Variants in EPN2 observed in about 807,000 individuals in gnomAD.
EPN2 encodes the protein epsin-2.
A neutral mutation model predicts 61.7 loss-of-function variants in EPN2; 34 were observed. The ratio of observed to expected loss-of-function variants is 0.55; its 90% CI spans 0.42 to 0.73. The LOEUF is 0.73. EPN2 is among the 30% of genes least tolerant of loss of function. The probability of loss-of-function intolerance (pLI) is 0.00; values close to 1 mark genes in which losing one functional copy is unlikely to be tolerated. For missense variants in EPN2, 714 were observed against 839.2 expected, an observed-to-expected ratio of 0.85 and a Z score of 1.84; for synonymous variants, 349 against 353.6, an observed-to-expected ratio of 0.99 and a Z score of 0.15.
chr17:19,267,537 C>T (rs1254131592), intron 1 of EPN2, among the ~76,000 whole-genome samples: 2 of 147,540 alleles, frequency 1.4e-5, no homozygotes, highest in African/African-American at 2.6e-5. Flanking sequence ...AGCAGTAGAG[C>T]AGCTTTTTTT....
At chr17:19,279,525 G>C (rs2045340186) in intron 1 of EPN2, among the ~76,000 whole-genome samples, 1 of 149,368 alleles carries the variant, frequency 6.7e-6, no homozygotes, top group Admixed American at 6.7e-5. Flanking sequence ...TGCAAGCTCT[G>C]CCTCCCGGGT....
chr17:19,250,523 T>C (rs1330452950), intron 1 of EPN2, among the ~76,000 whole-genome samples: 3 of 152,206 alleles, frequency 2.0e-5, no homozygotes, highest in Non-Finnish European at 4.4e-5. Flanking sequence ...GTTGCCAATA[T>C]TAAAAACAGG....
intron 2 of EPN2, 126 bp from the exon 3 acceptor site, chr17:19,282,824 C>A (rs775335907): frequency 2.4e-5 from 7 of 287,570 alleles, no homozygotes; most frequent in Non-Finnish European, 3.9e-5. Context: ...ATCTTGGGTT[C>A]GTCCTAAGGA....
intron 7 of EPN2, among the ~76,000 whole-genome samples, chr17:19,318,221 G>A (rs1906475604): frequency 6.6e-6 from 1 of 152,166 alleles, no homozygotes; most frequent in Non-Finnish European, 1.5e-5. Flanking sequence ...AGCTGTCTGG[G>A]CTGTGACCAA....
chr17:19,328,461 G>A (rs1907000755), intron 7 of EPN2, among the ~76,000 whole-genome samples: 1 of 152,108 alleles, frequency 6.6e-6, no homozygotes, highest in African/African-American at 2.4e-5. Context: ...GCTTCCTCTG[G>A]TCATTACTAG....
chr17:19,285,583 G>A lies in EPN2; in HGVS notation c.596-37G>A. 1 of 1,463,046 alleles carries A rather than the reference G, an allele frequency of 6.8e-7. No individual in the cohort carries two copies. Among genetic ancestry groups the A allele is most frequent in the East Asian group, 2.6e-5 (1 of 38,394 alleles). The allele number at this position is 1,463,046 out of a possible 1,614,324, so 90.6% of individuals were successfully genotyped here. Reference sequence around the variant, plus strand: ...GCTGCTGCGCACCCTCTAATGGCGTGTCTCTCTGTGTGTGTGTGTGTGTCC... The same window carrying A: ...GCTGCTGCGCACCCTCTAATGGCGTATCTCTCTGTGTGTGTGTGTGTGTCC... On this transcript the variant is annotated intron_variant, in intron 3 of 10. Coordinates refer to ENST00000314728, the MANE Select transcript of EPN2 (RefSeq NM_014964.5). The surrounding 1 kb of genome is among the most constrained non-coding windows in gnomAD (Gnocchi z 4.5).
chr17:19,303,007 G>T (rs913985510), intron 4 of EPN2, among the ~76,000 whole-genome samples: 1 of 152,242 alleles, frequency 6.6e-6, no homozygotes, highest in Non-Finnish European at 1.5e-5. Flanking sequence ...AGACGGAAGC[G>T]CACTACAGGC....
chr17:19,262,723 A>C (rs1401371212), intron 1 of EPN2, among the ~76,000 whole-genome samples: 1 of 151,080 alleles, frequency 6.6e-6, no homozygotes, highest in African/African-American at 2.4e-5. Context: ...GCAACCCTGT[A>C]CCCATTAAGC....
At chr17:19,328,919 G>A in intron 8 of EPN2, 32 bp downstream of exon 8, 1 of 1,585,966 alleles carries the variant, frequency 6.3e-7, no homozygotes, top group Non-Finnish European at 8.6e-7. Context: ...TTTCCTGCCT[G>A]GCCTCTGAGC....
chr17:19,263,972 C>T (rs1157256998), intron 1 of EPN2, among the ~76,000 whole-genome samples: 2 of 152,166 alleles, frequency 1.3e-5, no homozygotes, highest in African/African-American at 4.8e-5. Context: ...GTAAACAGTT[C>T]TTCCTTGGCC....
intron 1 of EPN2, among the ~76,000 whole-genome samples, chr17:19,257,523 CTT>C (rs34201206): frequency 2.6e-4 from 19 of 73,318 alleles, no homozygotes; most frequent in Admixed American, 1.7e-4. Flanking sequence ...CTCTCTCTCT[CTT>C]TTTTTTTTTT....
intron 1 of EPN2, among the ~76,000 whole-genome samples, chr17:19,241,890 G>C (rs1270069358): frequency 6.6e-6 from 1 of 152,108 alleles, no homozygotes; most frequent in Non-Finnish European, 1.5e-5. Context: ...TCCCAGGCCT[G>C]GGTCCCTTCT....
chr17:19,330,178 G>A (rs1907092041), intron 9 of EPN2, among the ~76,000 whole-genome samples: 1 of 152,218 alleles, frequency 6.6e-6, no homozygotes, highest in Non-Finnish European at 1.5e-5. Flanking sequence ...GGGCCAAGGT[G>A]GGCCTGGAGG....
At chr17:19,306,556 A>G (rs1385682581) in intron 4 of EPN2, among the ~76,000 whole-genome samples, 1 of 152,238 alleles carries the variant, frequency 6.6e-6, no homozygotes, top group Non-Finnish European at 1.5e-5. Flanking sequence ...CGTTATTCTA[A>G]CAGTGTCAGT....
At chr17:19,260,299 C>A (rs1193478702) in intron 1 of EPN2, among the ~76,000 whole-genome samples, 1 of 152,202 alleles carries the variant, frequency 6.6e-6, no homozygotes, top group African/African-American at 2.4e-5. Context: ...AGGAAGGAAA[C>A]CCAGACTGAG....
chr17:19,303,006 C>T (rs956947103), intron 4 of EPN2, among the ~76,000 whole-genome samples: 8 of 152,198 alleles, frequency 5.3e-5, no homozygotes, highest in South Asian at 2.1e-4. Context: ...GAGACGGAAG[C>T]GCACTACAGG....
chr17:19,328,611 C>T, intron 7 of EPN2, 100 bp from the exon 8 acceptor site: 1 of 1,142,670 alleles, frequency 8.8e-7, no homozygotes, highest in Non-Finnish European at 1.2e-6. Flanking sequence ...TGGCACAGGG[C>T]ATAGACCCTG....
chr17:19,321,541 C>G (rs1487702192), intron 7 of EPN2, among the ~76,000 whole-genome samples: 1 of 152,074 alleles, frequency 6.6e-6, no homozygotes, highest in Non-Finnish European at 1.5e-5. Context: ...GAGAATTCTT[C>G]CAAGGAGAAC....
chr17:19,325,432 CATT>C (rs1906822081), intron 7 of EPN2, among the ~76,000 whole-genome samples: 1 of 152,312 alleles, frequency 6.6e-6, no homozygotes, highest in East Asian at 1.9e-4. Flanking sequence ...AGAACCAACT[CATT>C]AGAAAATTTA....
Sources: gnomAD v4.1 joint callset for allele counts (sites outside exome capture counted in the v4.1 genomes callset) on GRCh38, gnomAD v4.1.1 for gene constraint, Gnocchi (gnomAD v3.1) non-coding constraint, MANE v1.5 for transcripts, NCBI Gene and HGNC (gene_info 2026-07-23, HGNC 2026-07-21) for gene names.